The following AP4B1 variants were observed in gnomAD, a reference collection of about 807,000 sequenced individuals.
AP4B1 encodes the protein AP-4 complex subunit beta-1.
Under a neutral mutation model 76.5 loss-of-function variants are expected in AP4B1, and 49 were observed. The observed-to-expected ratio is 0.64, with a 90% CI of 0.51 to 0.81. The LOEUF is 0.81. Ranked by LOEUF, AP4B1 falls within the 40% of genes least tolerant of loss-of-function variation. AP4B1 has a pLI of 0.00. For synonymous variants in AP4B1, 330 were observed against 333.3 expected, an observed-to-expected ratio of 0.99 and a Z score of 0.11; for missense variants, 911 against 904.9, an observed-to-expected ratio of 1.01 and a Z score of -0.09.
At chr1:113,898,897 AT>A in intron 5 of AP4B1, 96 bp from the exon 6 acceptor site, 1 of 1,027,970 alleles carries the variant, frequency 9.7e-7, no homozygotes, top group Non-Finnish European at 1.4e-6. Context: ...AAGAAACAGA[AT>A]TATCTAAAAA....
chr1:113,902,409 C>T (rs906504637), intron 2 of AP4B1, among the ~76,000 whole-genome samples: 1 of 152,122 alleles, frequency 6.6e-6, no homozygotes, highest in Non-Finnish European at 1.5e-5. Context: ...AGATATTTAA[C>T]CAAAACTGAG....
chr1:113,896,311 G>A lies in AP4B1; in HGVS notation c.1457C>T (p.Ser486Phe). Residue 486 changes from serine (S) to phenylalanine (F), a missense_variant, in exon 8 of 10, where the codon TCC becomes TTC. Transcript: ENST00000369569. Reference protein sequence around the residue: ...LLTALLRLFLSRPAECQDMLG... With the variant: ...LLTALLRLFLFRPAECQDMLG... Reference sequence around the variant, plus strand: ...CATGTCCTGGCACTCAGCAGGTCGGGAGAGGAAAAGGCGCAGCAAAGCAGT... The same window carrying A: ...CATGTCCTGGCACTCAGCAGGTCGGAAGAGGAAAAGGCGCAGCAAAGCAGT... 3 of 1,614,192 alleles carry A rather than the reference G, an allele frequency of 1.9e-6. No homozygotes were observed. Among genetic ancestry groups the A allele is most frequent in the Admixed American group, 1.7e-5 (1 of 60,022 alleles).
At chr1:113,897,365 G>C (rs1165705399) in intron 7 of AP4B1, 2 of 192,948 alleles carry the variant, frequency 1.0e-5, no homozygotes, top group Non-Finnish European at 2.2e-5. Context: ...GCTGAGGTGG[G>C]TGATCACTTG....
In AP4B1 at chr1:113,895,254, C is replaced by A. The variant is rs1667316308; in HGVS notation, c.2031G>T (p.Arg677=). ...QTIAMSRAGS[R]PWKAYLSAQD... ...GAGCACTGAGGTATGCTTTCCATGG[C>A]CGAGACCCAGCCCTACTCATTGCGA... Residue 677 remains arginine (R), a synonymous_variant, in exon 10 of 10, where the codon CGG becomes CGT. Transcript: ENST00000369569. 6.2e-7 allele frequency: 1 copy of A among 1,614,080 alleles called. No individual in the cohort carries two copies. The highest frequency in any genetic ancestry group is 1.7e-5 in the Admixed American group (1 of 60,010).
intron 3 of AP4B1, 135 bp downstream of exon 3, chr1:113,901,620 A>T (rs1668275949): frequency 2.2e-6 from 3 of 1,359,416 alleles, no homozygotes; most frequent in Non-Finnish European, 3.1e-6. Context: ...AGAAGATACC[A>T]AGCCCTGCAT....
chr1:113,904,629 C>G lies in AP4B1; in HGVS notation c.89G>C (p.Arg30Pro), dbSNP rs1212656969. 3.1e-6 allele frequency: 5 copies of G among 1,613,738 alleles called. No homozygotes were observed. The highest frequency in any genetic ancestry group is 4.2e-6 in the Non-Finnish European group (5 of 1,179,988). ...PHIQADRLRY[R>P]NVIQRVIRYM... ...CCTAATCACTCGCTGGATGACATTC[C>G]GGTAGCGCAGCCTATCAGCTTGAAT... Residue 30 changes from arginine (R) to proline (P), a missense_variant, in exon 1 of 10, where the codon CGG becomes CCG. Physicochemically the swap from Arg to Pro is moderately radical, Grantham distance 103. Coordinates refer to ENST00000369569, the MANE Select transcript of AP4B1 (RefSeq NM_001253852.3).
At chr1:113,896,135 G>A in intron 8 of AP4B1, 97 bp from the exon 9 acceptor site, 2 of 1,593,796 alleles carry the variant, frequency 1.3e-6, no homozygotes, top group Admixed American at 1.7e-5. Context: ...AAGGAGAGAG[G>A]AAAACCTAGG....
At chr1:113,903,089 A>G (rs1668501838) in intron 1 of AP4B1, among the ~76,000 whole-genome samples, 1 of 152,224 alleles carries the variant, frequency 6.6e-6, no homozygotes, top group South Asian at 2.1e-4. Flanking sequence ...TTTTTGAGAC[A>G]GAGTCTTGCT....
chr1:113,901,155 G>T, intron 4 of AP4B1, 81 bp downstream of exon 4: 1 of 1,533,184 alleles, frequency 6.5e-7, no homozygotes, highest in Non-Finnish European at 9.0e-7. Context: ...CCCCACATAA[G>T]TTGTTCAATA....
Position 113,901,376 on chromosome 1 carries a change from G to A in AP4B1, c.477C>T (p.Ala159=). ...GCAAACTGTATAATTCATTTACCAGGGCACCATCTATAAAAAAGAACAAAG... is the reference window on the plus strand; with the variant it reads ...GCAAACTGTATAATTCATTTACCAGAGCACCATCTATAAAAAAGAACAAAG... ...NLHGDSEVDG[A]LVNELYSLLR... The change falls in exon 4 of 10, where the codon GCC becomes GCT. Residue 159 remains alanine, a synonymous_variant. Transcript: ENST00000369569. 1 of 1,613,914 alleles carries A rather than the reference G, an allele frequency of 6.2e-7. No individual in the cohort carries two copies. The highest frequency in any genetic ancestry group is 8.5e-7 in the Non-Finnish European group (1 of 1,179,902).
In AP4B1 at chr1:113,899,252, C is replaced by T. The variant is rs138585932; in HGVS notation, c.1115-451G>A. 16 of 1,017,770 alleles carry T rather than the reference C, an allele frequency of 1.6e-5. No individual in the cohort carries two copies. In the African/African-American group the frequency reaches 2.1e-4, roughly 13 times the overall value. The allele number at this position is 1,017,770 out of a possible 1,614,324, so 63.0% of individuals were successfully genotyped here. A position where few individuals can be genotyped will look rare whatever the true frequency, so the allele number is the denominator to read the frequency against. On this transcript the variant is annotated intron_variant, in intron 5 of 9. Transcript: ENST00000369569. ...TATTCCAAATATGAGGGTTGCTCCT[C>T]CTCCTGTACTTGAAATCCTTCAAAA...
At chr1:113,896,186 C>A (rs1558080039) in intron 8 of AP4B1, 72 bp downstream of exon 8, 6 of 1,602,216 alleles carry the variant, frequency 3.7e-6, no homozygotes, top group Non-Finnish European at 5.1e-6. Flanking sequence ...ACGTGACTCA[C>A]CAAACAATGA....
Position 113,901,267 on chromosome 1 carries a change from T to C in AP4B1, c.586A>G (p.Asn196Asp). ...AAGAGATGGTGAGCAATGGGCTTAT[T>C]GATGACAACGCCTCCTTCCTGTTTC... ...ILKQEGGVVI[N>D]KPIAHHLLNR... The change falls in exon 4 of 10, where the codon AAT (asparagine) becomes GAT (aspartate). Residue 196 changes from asparagine to aspartate, a missense_variant. Asn to Asp is a conservative substitution (Grantham distance 23). Transcript: ENST00000369569. 1 of 1,614,190 alleles carries C rather than the reference T, an allele frequency of 6.2e-7. No homozygotes were observed. The highest frequency in any genetic ancestry group is 8.5e-7 in the Non-Finnish European group (1 of 1,180,036).
At chr1:113,899,444 A>C (rs1667930540) in intron 5 of AP4B1, 12 of 770,332 alleles carry the variant, frequency 1.6e-5, no homozygotes, top group African/African-American at 1.9e-5. Context: ...GTGGATTAAC[A>C]TAGGACTTTG....
intron 5 of AP4B1, chr1:113,899,316 A>T (rs1667914551): frequency 3.9e-6 from 4 of 1,017,006 alleles, no homozygotes; most frequent in Non-Finnish European, 4.7e-6. Flanking sequence ...GAGTCACTCC[A>T]GCCTTTCAAA....
In AP4B1 at chr1:113,898,718, C is replaced by T; in HGVS notation, c.1198G>A (p.Val400Met). Residue 400 changes from valine to methionine, a missense_variant and splice_region_variant, in exon 6 of 10, where the codon GTG (valine) becomes ATG (methionine). By Grantham distance (21) the Val-to-Met change is conservative (BLOSUM62 1). Coordinates refer to ENST00000369569, the MANE Select transcript of AP4B1 (RefSeq NM_001253852.3). ...LGLRQEHITT[V>M]VVQTFRDLVW... ...AAAATCCTAAAAAGGCAGGCATTAC[C>T]TGTGGTAATGTGCTCTTGTCGAAGA... 1 of 1,608,214 alleles carries T rather than the reference C, an allele frequency of 6.2e-7. No individual in the cohort carries two copies. Among genetic ancestry groups the T allele is most frequent in the Non-Finnish European group, 8.5e-7 (1 of 1,179,684 alleles).
In AP4B1 at chr1:113,902,014, T is replaced by C. The variant is rs1668335092; in HGVS notation, c.339-129A>G. ...AGATCATGAAGAATTGCAGAAAGCC[T>C]CTATCAAGCTTAAAAAGCCATAATT... On this transcript the variant is annotated intron_variant, in intron 2 of 9. Transcript: ENST00000369569. The C allele has an allele frequency of 2.5e-6, 3 of 1,211,926 alleles. No individual in the cohort carries two copies. In the South Asian group the frequency reaches 3.7e-5, roughly 15 times the overall value. 75.1% of individuals were successfully genotyped at this position (1,211,926 alleles called of 1,614,324 possible).
chr1:113,902,655 C>T lies in AP4B1; in HGVS notation c.321G>A (p.Arg107=), dbSNP rs1438249453. 3 of 1,613,216 alleles carry T rather than the reference C, an allele frequency of 1.9e-6. No individual in the cohort carries two copies. The highest frequency in any genetic ancestry group is 1.7e-6 in the Non-Finnish European group (2 of 1,180,020). The change falls in exon 2 of 10, where the codon CGG becomes CGA. Residue 107 remains arginine (R), a synonymous_variant. Transcript: ENST00000369569. The stretch of plus-strand genomic sequence containing the variant: ...GTACTCACCTGAGGCTACACATGCT[C>T]CGTAACGCCAGCCCTCGCACCATTG... ...PNPMVRGLAL[R]SMCSLRMPGV...
chr1:113,903,488 A>G (rs537947966), intron 1 of AP4B1, among the ~76,000 whole-genome samples: 2 of 152,380 alleles, frequency 1.3e-5, no homozygotes, highest in African/African-American at 2.4e-5. Flanking sequence ...CTTCAAATCT[A>G]TTAATGAGCC....
Sources: allele counts gnomAD v4.1 joint callset (sites outside exome capture counted in the v4.1 genomes callset), GRCh38; gene constraint gnomAD v4.1.1; transcripts MANE v1.5; gene names NCBI Gene and HGNC (gene_info 2026-07-23, HGNC 2026-07-21).